The following OR52N2 variants were observed in gnomAD, a reference collection of about 807,000 sequenced individuals.
OR52N2 encodes the protein olfactory receptor 52N2.
For synonymous variants in OR52N2, 129 were observed against 72.0 expected (o/e 1.79, Z -4.01); for missense variants, 326 against 196.6 (o/e 1.66, Z -3.94).
chr11:5,817,152 CTT>C (rs1846411175), intron 1 of OR52N2, among the ~76,000 whole-genome samples: 1 of 152,064 alleles, frequency 6.6e-6, no homozygotes, highest in African/African-American at 2.4e-5. Flanking sequence ...ATACATCAGA[CTT>C]TAGGTTTTAA....
chr11:5,819,556 TA>T (rs1846429435), intron 1 of OR52N2, among the ~76,000 whole-genome samples: 1 of 152,228 alleles, frequency 6.6e-6, no homozygotes, highest in Non-Finnish European at 1.5e-5. Context: ...TAAAACTTGT[TA>T]ATGATTTAGA....
rs748172124 is a variant in OR52N2 at position 5,821,217 on chromosome 11, T to TC, written c.882_883insC (p.Tyr295LeufsTer14). On this transcript the variant is annotated frameshift_variant, in exon 2 of 2. Coordinates refer to ENST00000317037, the MANE Select transcript of OR52N2 (RefSeq NM_001005174.3). LOFTEE classifies it low-confidence loss of function (END_TRUNC). ...TGCCTCCTACCATGAACCCAATTGT[T>TC]TATGGAGTCAAGACCAAGCAGATTC... 2.6e-6 allele frequency: 2 copies of TC among 780,842 alleles called. No individual in the cohort carries two copies. Among genetic ancestry groups the TC allele is most frequent in the African/African-American group, 3.4e-5 (2 of 59,094 alleles). The allele number at this position is 780,842 out of a possible 1,614,324, so 48.4% of individuals were successfully genotyped here. A position where few individuals can be genotyped will look rare whatever the true frequency, so the allele number is the denominator to read the frequency against.
At position 5,820,535 on chromosome 11, in the gene OR52N2, T is replaced by A; in HGVS notation, c.200T>A (p.Leu67Gln). The A allele has an allele frequency of 1.3e-6, 1 of 779,420 alleles. No individual in the cohort carries two copies. The highest frequency in any genetic ancestry group is 1.3e-5 in the South Asian group (1 of 74,344). 48.3% of individuals were successfully genotyped at this position (779,420 alleles called of 1,614,324 possible). Residue 67 changes from leucine (L) to glutamine (Q), a missense_variant, in exon 2 of 2, where the codon CTG (leucine) becomes CAG (glutamine). Physicochemically the swap from Leu to Gln is moderately radical, Grantham distance 113 (BLOSUM62 -2). Coordinates refer to ENST00000317037, the MANE Select transcript of OR52N2 (RefSeq NM_001005174.3). The stretch of plus-strand genomic sequence containing the variant: ...CGGCCCATGTACTACTTCCTGGCCC[T>A]GCTCTCCTTCACTGATGTCACCTTG... ...LHRPMYYFLA[L>Q]LSFTDVTLCT...
chr11:5,814,690 C>A (rs1846388377), intron 1 of OR52N2, among the ~76,000 whole-genome samples: 1 of 151,996 alleles, frequency 6.6e-6, no homozygotes, highest in African/African-American at 2.4e-5. Context: ...ATCAAAATCC[C>A]AATAATTAAT....
In OR52N2 at chr11:5,820,636, G is replaced by T. The variant is rs747653202; in HGVS notation, c.301G>T (p.Ala101Ser). 2 of 784,874 alleles carry T rather than the reference G, an allele frequency of 2.5e-6. No individual in the cohort carries two copies. The highest frequency in any genetic ancestry group is 3.4e-5 in the African/African-American group (2 of 59,152). The allele number at this position is 784,874 out of a possible 1,614,324, so 48.6% of individuals were successfully genotyped here. ...GGAGATTGACTTTAACGCCTGCCTG[G>T]CCCAGATGTTTTTTGTCCATATGCT... is the stretch of plus-strand genomic sequence containing the variant. The part of the protein sequence containing the change: ...LKEIDFNACL[A>S]QMFFVHMLTG... The change falls in exon 2 of 2, where the codon GCC becomes TCC. Residue 101 changes from alanine (A) to serine (S), a missense_variant. Physicochemically the swap from Ala to Ser is moderately conservative, Grantham distance 99. Coordinates refer to ENST00000317037, the MANE Select transcript of OR52N2 (RefSeq NM_001005174.3).
chr11:5,815,649 C>T (rs1846398296), intron 1 of OR52N2, among the ~76,000 whole-genome samples: 1 of 152,062 alleles, frequency 6.6e-6, no homozygotes. Context: ...GCTACAGCTG[C>T]GGTGGAAAAC....
chr11:5,819,397 A>C (rs549579612), intron 1 of OR52N2, among the ~76,000 whole-genome samples: 7 of 152,284 alleles, frequency 4.6e-5, no homozygotes, highest in Admixed American at 4.6e-4. Flanking sequence ...TTAAAGCAGT[A>C]CAAACAGTCA....
chr11:5,815,088 G>A (rs746048070), intron 1 of OR52N2, among the ~76,000 whole-genome samples: 2 of 151,804 alleles, frequency 1.3e-5, no homozygotes, highest in African/African-American at 4.8e-5. Context: ...GATCAAAGAC[G>A]TAAAAATAAA....
intron 1 of OR52N2, among the ~76,000 whole-genome samples, chr11:5,815,842 GATGA>G (rs1418505266): frequency 1.3e-5 from 2 of 151,744 alleles, no homozygotes; most frequent in Non-Finnish European, 2.9e-5. Context: ...CCCATCAATG[GATGA>G]ATGAATAATG....
chr11:5,812,717 C>T lies in OR52N2; in HGVS notation c.-55+3663C>T, dbSNP rs144443802. Among the ~76,000 whole-genome samples, 1,152 of 151,880 alleles carry T rather than the reference C, an allele frequency of 7.6e-3. 15 individuals carry two copies. The highest frequency in any genetic ancestry group is 0.026 in the African/African-American group (1,094 of 41,442). ...GTAGGGGATGTCAACACCGCATTTT[C>T]AACAATGAAAAGATCACCCAGATAG... On this transcript the variant is annotated intron_variant, in intron 1 of 1. Transcript: ENST00000317037.
rs769153338 is a variant in OR52N2, at chr11:5,820,728, C to T, written c.393C>T (p.Pro131=). Residue 131 remains proline, a synonymous_variant, in exon 2 of 2, where the codon CCC becomes CCT. Transcript: ENST00000317037. ...ACCGCTATGTGGCCATCTGCTACCC[C>T]TTACGCTATGCCACCATCCTTACCA... ...ALDRYVAICY[P]LRYATILTNP... The T allele has an allele frequency of 2.5e-6, 2 of 786,006 alleles. No individual in the cohort carries two copies. The highest frequency in any genetic ancestry group is 3.4e-5 in the Admixed American group (2 of 58,818). 48.7% of individuals were successfully genotyped at this position (786,006 alleles called of 1,614,324 possible). A position where few individuals can be genotyped will look rare whatever the true frequency, so the allele number is the denominator to read the frequency against.
Position 5,821,147 on chromosome 11 carries a change from T to G in OR52N2, c.812T>G (p.Ile271Ser). 1 of 781,032 alleles carries G rather than the reference T, an allele frequency of 1.3e-6. No individual in the cohort carries two copies. Among genetic ancestry groups the G allele is most frequent in the South Asian group, 1.3e-5 (1 of 74,620 alleles). 48.4% of individuals were successfully genotyped at this position (781,032 alleles called of 1,614,324 possible). The stretch of plus-strand genomic sequence containing the variant: ...ACTCATCGTTTTGTAGGACACAATA[T>G]CCCAAACCACATACACATCATCGTG... ...FFTHRFVGHN[I>S]PNHIHIIVAN... The change falls in exon 2 of 2, where the codon ATC becomes AGC. Residue 271 changes from isoleucine (I) to serine (S), a missense_variant. Coordinates refer to ENST00000317037, the MANE Select transcript of OR52N2 (RefSeq NM_001005174.3).
At chr11:5,810,034 T>G (rs757576256) in intron 1 of OR52N2, among the ~76,000 whole-genome samples, 32 of 152,242 alleles carry the variant, frequency 2.1e-4, no homozygotes, top group Admixed American at 1.4e-3. Context: ...TAGAACAACA[T>G]TCTTCTTGTC....
chr11:5,809,581 C>G (rs1174919570), intron 1 of OR52N2, among the ~76,000 whole-genome samples: 3 of 151,596 alleles, frequency 2.0e-5, no homozygotes, highest in Non-Finnish European at 2.9e-5. Flanking sequence ...GAACAAAAGA[C>G]CAGGAAGTTA....
At chr11:5,818,895 A>G (rs61875921) in intron 1 of OR52N2, among the ~76,000 whole-genome samples, 11,983 of 152,272 alleles carry the variant, frequency 0.079, 699 homozygotes, top group East Asian at 0.25. Context: ...GAACTTCCTT[A>G]TAAGAAGGGA....
At chr11:5,819,207 C>T (rs950743352) in intron 1 of OR52N2, among the ~76,000 whole-genome samples, 40 of 141,670 alleles carry the variant, frequency 2.8e-4, no homozygotes, top group Non-Finnish European at 4.5e-4. Context: ...GGTTTTATTC[C>T]GAATAAAAAA....
chr11:5,817,821 A>G (rs1321142286), intron 1 of OR52N2, among the ~76,000 whole-genome samples: 1 of 152,218 alleles, frequency 6.6e-6, no homozygotes, highest in African/African-American at 2.4e-5. Context: ...GTGGATTAAG[A>G]TATTCATTGA....
intron 1 of OR52N2, among the ~76,000 whole-genome samples, chr11:5,810,709 G>C (rs145682090): frequency 3.9e-5 from 6 of 152,242 alleles, no homozygotes; most frequent in African/African-American, 1.4e-4. Flanking sequence ...CACATGAAGG[G>C]ACTGAAAACA....
Position 5,821,406 on chromosome 11 carries a change from C to A in OR52N2, c.*105C>A. 1 of 627,878 alleles carries A rather than the reference C, an allele frequency of 1.6e-6. No homozygotes were observed. The highest frequency in any genetic ancestry group is 2.8e-6 in the Non-Finnish European group (1 of 351,852). 38.9% of individuals were successfully genotyped at this position (627,878 alleles called of 1,614,324 possible). On this transcript the variant is annotated 3_prime_UTR_variant, in exon 2 of 2. Coordinates refer to ENST00000317037, the MANE Select transcript of OR52N2 (RefSeq NM_001005174.3). ...ATTAAAATCATGACATGTAATTTAC[C>A]CATGTAACAAACTTGCACGTGTACC...
Sources: gnomAD v4.1 joint callset for allele counts (sites outside exome capture counted in the v4.1 genomes callset) on GRCh38, gnomAD v4.1.1 for gene constraint, MANE v1.5 for transcripts, NCBI Gene and HGNC (gene_info 2026-07-23, HGNC 2026-07-21) for gene names.